C8orf34: variants seen among roughly 807,000 people sequenced by gnomAD.
C8orf34 encodes chromosome 8 open reading frame 34, also known as uncharacterized protein C8orf34.
A neutral mutation model predicts 68.3 loss-of-function variants in C8orf34; 65 were observed. The ratio of observed to expected loss-of-function variants is 0.95; its 90% CI spans 0.78 to 1.17. C8orf34 has a LOEUF of 1.17. Among genes scored for constraint, C8orf34 ranks in the 50% most tolerant of loss-of-function variants. C8orf34 has a pLI of 0.00. For synonymous variants in C8orf34, 244 were observed against 241.2 expected, an observed-to-expected ratio of 1.01 and a Z score of -0.11; for missense variants, 664 against 655.4, an observed-to-expected ratio of 1.01 and a Z score of -0.14.
At chr8:68,775,024 A>G (rs1823472382) in intron 10 of C8orf34, among the ~76,000 whole-genome samples, 1 of 148,400 alleles carries the variant, frequency 6.7e-6, no homozygotes, top group Non-Finnish European at 1.5e-5. Context: ...AGGCTGAGGC[A>G]GGAGAATCAC....
intron 4 of C8orf34, among the ~76,000 whole-genome samples, chr8:68,475,110 T>C (rs1039456047): frequency 6.6e-6 from 1 of 152,164 alleles, no homozygotes; most frequent in African/African-American, 2.4e-5. Context: ...CCCCTTTCCA[T>C]GCTTTTGCTT....
intron 1 of C8orf34, among the ~76,000 whole-genome samples, chr8:68,354,100 G>C (rs1388259128): frequency 2.0e-5 from 3 of 152,028 alleles, no homozygotes; most frequent in African/African-American, 7.2e-5. Flanking sequence ...GAGAGGAGTA[G>C]TCAGAGGGTG....
intron 7 of C8orf34, among the ~76,000 whole-genome samples, chr8:68,599,660 G>A (rs1268538058): frequency 6.6e-6 from 1 of 151,940 alleles, no homozygotes; most frequent in South Asian, 2.1e-4. Context: ...TATACCCCCA[G>A]ATATAAATGC....
chr8:68,765,939 T>A (rs1160407779), intron 10 of C8orf34, among the ~76,000 whole-genome samples: 1 of 152,238 alleles, frequency 6.6e-6, no homozygotes, highest in Non-Finnish European at 1.5e-5. Context: ...GAAGTTTACA[T>A]TGTTCTATAA....
At chr8:68,740,875 T>A (rs899558706) in intron 10 of C8orf34, among the ~76,000 whole-genome samples, 2 of 152,172 alleles carry the variant, frequency 1.3e-5, no homozygotes, top group African/African-American at 4.8e-5. Context: ...GTGGTACATA[T>A]ACACTATGGA....
intron 1 of C8orf34, among the ~76,000 whole-genome samples, chr8:68,391,387 A>T (rs1189356517): frequency 2.0e-5 from 3 of 152,104 alleles, no homozygotes; most frequent in Admixed American, 6.6e-5. Context: ...CTCAGATCCC[A>T]AGGCTATACT....
At chr8:68,533,997 C>T (rs2129845073) in intron 7 of C8orf34, 1 of 921,906 alleles carries the variant, frequency 1.1e-6, no homozygotes, top group Non-Finnish European at 1.3e-6. Flanking sequence ...AAGCCTTAAA[C>T]ACGTTTTACA....
chr8:68,649,658 C>T (rs1049767716), intron 8 of C8orf34, among the ~76,000 whole-genome samples: 1 of 152,174 alleles, frequency 6.6e-6, no homozygotes, highest in African/African-American at 2.4e-5. Flanking sequence ...ATGCAAAATT[C>T]TCCTTAACCT....
chr8:68,795,322 T>C (rs1254692284), intron 12 of C8orf34, among the ~76,000 whole-genome samples: 3 of 146,694 alleles, frequency 2.0e-5, no homozygotes, highest in Non-Finnish European at 4.5e-5. Flanking sequence ...TTTTATTGAC[T>C]GCTTTTTTTT....
intron 7 of C8orf34, among the ~76,000 whole-genome samples, chr8:68,604,581 A>G (rs1298969304): frequency 1.3e-5 from 2 of 152,158 alleles, no homozygotes; most frequent in Non-Finnish European, 2.9e-5. Context: ...TTTGACAAAG[A>G]TGTGAAGGCA....
chr8:68,370,246 C>G (rs1261944412), intron 1 of C8orf34, among the ~76,000 whole-genome samples: 1 of 152,156 alleles, frequency 6.6e-6, no homozygotes, highest in Non-Finnish European at 1.5e-5. Flanking sequence ...TACAGACACC[C>G]TGACTGATTA....
At chr8:68,796,958 C>A (rs963874924) in intron 12 of C8orf34, among the ~76,000 whole-genome samples, 1 of 151,706 alleles carries the variant, frequency 6.6e-6, no homozygotes, top group Non-Finnish European at 1.5e-5. Flanking sequence ...TGCCGAGTAG[C>A]TGGGATTACA....
intron 8 of C8orf34, among the ~76,000 whole-genome samples, chr8:68,657,724 A>G (rs1229820846): frequency 6.6e-6 from 1 of 152,196 alleles, no homozygotes; most frequent in Admixed American, 6.5e-5. Flanking sequence ...AGGCAACAAC[A>G]TATCTGTTGC....
intron 8 of C8orf34, among the ~76,000 whole-genome samples, chr8:68,658,996 T>C (rs561053466): frequency 6.6e-6 from 1 of 152,230 alleles, no homozygotes; most frequent in African/African-American, 2.4e-5. Context: ...ATTTTCTTCA[T>C]GTACTTTACA....
chr8:68,585,415 T>C (rs1434940), intron 7 of C8orf34, among the ~76,000 whole-genome samples: 37,934 of 152,054 alleles, frequency 0.25, 6,965 homozygotes, highest in African/African-American at 0.52. Context: ...AAATAAAAGA[T>C]TGGATTCTCA....
chr8:68,504,152 A>C (rs543486309), intron 5 of C8orf34, among the ~76,000 whole-genome samples: 16 of 152,262 alleles, frequency 1.1e-4, no homozygotes, highest in South Asian at 8.3e-4. Context: ...AAATTTTTCT[A>C]TTCTGGAAAT....
intron 5 of C8orf34, among the ~76,000 whole-genome samples, chr8:68,521,262 A>G (rs1366992003): frequency 6.6e-6 from 1 of 152,212 alleles, no homozygotes; most frequent in Non-Finnish European, 1.5e-5. Flanking sequence ...ATGAAAACAG[A>G]TTACTAACAT....
chr8:68,474,938 ATAAG>A (rs1812540255), intron 4 of C8orf34, among the ~76,000 whole-genome samples: 1 of 152,212 alleles, frequency 6.6e-6, no homozygotes, highest in African/African-American at 2.4e-5. Context: ...AGCCTTCACT[ATAAG>A]TGTAGTGGCT....
intron 3 of C8orf34, among the ~76,000 whole-genome samples, chr8:68,462,057 A>G (rs1044503276): frequency 3.7e-4 from 57 of 152,332 alleles, no homozygotes; most frequent in African/African-American, 1.0e-3. Context: ...TCTCACGTGC[A>G]GAGACACACA....
Sources: allele counts gnomAD v4.1 joint callset (sites outside exome capture counted in the v4.1 genomes callset), GRCh38; gene constraint gnomAD v4.1.1; transcripts MANE v1.5; gene names NCBI Gene and HGNC (gene_info 2026-07-23, HGNC 2026-07-21).